The following ABCA1 variants were observed in gnomAD, a reference collection of about 807,000 sequenced individuals.
ABCA1 encodes ATP binding cassette subfamily A member 1.
ABCA1 carries 133 observed loss-of-function variants against 262.5 expected under a neutral mutation model. The observed-to-expected ratio is 0.51, with a 90% CI of 0.44 to 0.59. The LOEUF is 0.59. Ranked by LOEUF, ABCA1 falls within the 20% of genes least tolerant of loss-of-function variation. The pLI is 0.00. For missense variants in ABCA1, 2,452 were observed against 2,777.5 expected (o/e 0.88, Z 2.63); for synonymous variants, 1,022 against 1,043.5 (o/e 0.98, Z 0.40).
At chr9:104,855,001 A>T in intron 7 of ABCA1, 1 of 281,570 alleles carries the variant, frequency 3.6e-6, no homozygotes, top group Non-Finnish European at 5.3e-6. Flanking sequence ...AACCCCAGGG[A>T]ACTTTAAAAA....
chr9:104,877,816 T>C (rs1045626009), intron 5 of ABCA1, among the ~76,000 whole-genome samples: 2 of 152,204 alleles, frequency 1.3e-5, no homozygotes, highest in African/African-American at 4.8e-5. Flanking sequence ...CCAAAATGAA[T>C]CTTAATACAA....
At chr9:104,922,017 G>T (rs1014616474) in intron 1 of ABCA1, among the ~76,000 whole-genome samples, 13 of 152,074 alleles carry the variant, frequency 8.5e-5, no homozygotes, top group African/African-American at 3.1e-4. Flanking sequence ...CATTTAAATC[G>T]GGTCTTAAAG....
intron 5 of ABCA1, among the ~76,000 whole-genome samples, chr9:104,862,659 C>A (rs185530528): frequency 0.37 from 3,471 of 9,448 alleles, 773 homozygotes; most frequent in South Asian, 0.44. Context: ...CGGGCCGGGC[C>A]GGGCCGGGCC....
At chr9:104,851,455 T>C (rs1269155687) in intron 7 of ABCA1, among the ~76,000 whole-genome samples, 1 of 152,192 alleles carries the variant, frequency 6.6e-6, no homozygotes, top group Non-Finnish European at 1.5e-5. Flanking sequence ...ACTATCTCAA[T>C]CAGGTACAGT....
At chr9:104,797,523 T>C (rs1830001219) in intron 37 of ABCA1, among the ~76,000 whole-genome samples, 1 of 152,110 alleles carries the variant, frequency 6.6e-6, no homozygotes, top group Non-Finnish European at 1.5e-5. Flanking sequence ...CCCATAACCA[T>C]TCAGACCACA....
intron 33 of ABCA1, among the ~76,000 whole-genome samples, chr9:104,802,759 A>G (rs892300147): frequency 6.6e-6 from 1 of 152,236 alleles, no homozygotes; most frequent in Non-Finnish European, 1.5e-5. Context: ...TTCTGTCCCC[A>G]GTCCCACCTG....
At chr9:104,809,687 A>T (rs988553971) in intron 29 of ABCA1, 123 bp from the exon 30 acceptor site, 1 of 924,160 alleles carries the variant, frequency 1.1e-6, no homozygotes. Flanking sequence ...CTTAAAACAG[A>T]AATGAACAAA....
chr9:104,793,410 C>A (rs938061526), intron 40 of ABCA1, 110 bp from the exon 41 acceptor site: 3 of 1,426,434 alleles, frequency 2.1e-6, no homozygotes, highest in Non-Finnish European at 2.9e-6. Flanking sequence ...CCAATAAACA[C>A]AAATGGCTAT....
chr9:104,885,216 A>G (rs1221758409), intron 3 of ABCA1, among the ~76,000 whole-genome samples: 1 of 152,222 alleles, frequency 6.6e-6, no homozygotes, highest in Non-Finnish European at 1.5e-5. Flanking sequence ...AGCCTGGGCG[A>G]CAAGAGCGAA....
At chr9:104,794,317 G>C (rs551086220) in intron 40 of ABCA1, 70 bp downstream of exon 40, 16 of 1,610,306 alleles carry the variant, frequency 9.9e-6, no homozygotes, top group Non-Finnish European at 1.4e-5. Context: ...CCAAAACAAA[G>C]TTCAGGGTAC....
Position 104,910,002 on chromosome 9 carries a change from G to A in ABCA1, c.-92-6231C>T, listed in dbSNP as rs541345415. On this transcript the variant is annotated intron_variant, in intron 1 of 49. Coordinates refer to ENST00000374736, the MANE Select transcript of ABCA1 (RefSeq NM_005502.4). The stretch of plus-strand genomic sequence containing the variant: ...CAGCTACCAGAAGCTGTTTGCTTGT[G>A]CAGTAACAAATGGGCTGGCTGGTCT... 2.6e-5 allele frequency among the ~76,000 whole-genome samples: 4 copies of A among 152,316 alleles called. No homozygotes were observed. In the East Asian group the frequency reaches 7.7e-4, roughly 29 times the overall value.
At chr9:104,862,621 A>C in intron 5 of ABCA1, among the ~76,000 whole-genome samples, 2 of 131,148 alleles carry the variant, frequency 1.5e-5, no homozygotes, top group Non-Finnish European at 3.3e-5. Context: ...GAGCTTGTTA[A>C]AATGCAGACT....
intron 6 of ABCA1, chr9:104,861,465 C>A: frequency 1.6e-6 from 1 of 627,266 alleles, no homozygotes. Context: ...TTATTTTAAC[C>A]AGCTGGCCCA....
intron 6 of ABCA1, among the ~76,000 whole-genome samples, chr9:104,860,336 A>G (rs1201279627): frequency 1.3e-5 from 2 of 152,212 alleles, no homozygotes; most frequent in Admixed American, 1.3e-4. Context: ...ATTATGCTAA[A>G]TGCAACTACT....
At chr9:104,907,399 G>T (rs150856136) in intron 1 of ABCA1, among the ~76,000 whole-genome samples, 9 of 152,176 alleles carry the variant, frequency 5.9e-5, no homozygotes, top group Non-Finnish European at 8.8e-5. Flanking sequence ...TACCTTCTGA[G>T]TCAGAGCAGA....
chr9:104,861,842 CAAA>C (rs34203904), intron 5 of ABCA1, 42 bp from the exon 6 acceptor site: 1,452 of 1,338,026 alleles, frequency 1.1e-3, no homozygotes, highest in Admixed American at 1.7e-3. Context: ...GTAAGTAACT[CAAA>C]AAAAAAAAAA....
rs867847560 is a variant in ABCA1, at chr9:104,824,470, G to A, written c.2651C>T (p.Ser884Leu). 1.2e-6 allele frequency: 2 copies of A among 1,614,112 alleles called. No individual in the cohort carries two copies. Among genetic ancestry groups the A allele is most frequent in the Non-Finnish European group, 1.7e-6 (2 of 1,180,020 alleles). ...AGGAGGTCAACAGCACTTACTTTCT[G>A]ATATTCTCTTCTGGTTGGAACCAGG... ...SHPGSNQKRI[S>L]EICMEEEPTH... Residue 884 changes from serine to leucine, a missense_variant, in exon 18 of 50, where the codon TCA becomes TTA. By Grantham distance (145) the Ser-to-Leu change is moderately radical (BLOSUM62 -2). Coordinates refer to ENST00000374736, the MANE Select transcript of ABCA1 (RefSeq NM_005502.4).
At chr9:104,906,668 C>T (rs1053705202) in intron 1 of ABCA1, among the ~76,000 whole-genome samples, 1 of 151,244 alleles carries the variant, frequency 6.6e-6, no homozygotes, top group East Asian at 1.9e-4. Context: ...TGGCAATGCC[C>T]GGCCCCTTCT....
chr9:104,862,678 CCGGGCCGGGCCGGGCCGGG>C (rs1836673712), intron 5 of ABCA1, among the ~76,000 whole-genome samples: 5 of 8,640 alleles, frequency 5.8e-4, no homozygotes, highest in South Asian at 0.012. Flanking sequence ...CCGGGCCGGG[CCGGGCCGGGCCGGGCCGGG>C]CCGGCCCCCA....
Sources: allele counts gnomAD v4.1 joint callset (sites outside exome capture counted in the v4.1 genomes callset), GRCh38; gene constraint gnomAD v4.1.1; transcripts MANE v1.5; gene names NCBI Gene and HGNC (gene_info 2026-07-23, HGNC 2026-07-21).